Variants in ITGA1 observed in about 807,000 individuals in gnomAD.
ITGA1 encodes the protein integrin alpha-1.
Under a neutral mutation model 145.9 loss-of-function variants are expected in ITGA1, and 85 were observed. The observed-to-expected ratio is 0.58, with a 90% CI of 0.49 to 0.70. The LOEUF is 0.70. Among genes scored for constraint, ITGA1 ranks in the 30% least tolerant of loss-of-function variants. The probability of loss-of-function intolerance (pLI) is 0.00; values close to 1 mark genes in which losing one functional copy is unlikely to be tolerated. For missense variants in ITGA1, 1,351 were observed against 1,418.7 expected, an observed-to-expected ratio of 0.95 and a Z score of 0.77; for synonymous variants, 520 against 495.3, an observed-to-expected ratio of 1.05 and a Z score of -0.66.
intron 2 of ITGA1, among the ~76,000 whole-genome samples, chr5:52,854,941 T>C (rs1749490386): frequency 6.6e-6 from 1 of 152,230 alleles, no homozygotes; most frequent in Admixed American, 6.5e-5. Flanking sequence ...TCAGTCTGCA[T>C]ACAGGTCATT....
chr5:52,800,296 C>G, intron 1 of ITGA1: 1 of 1,378,872 alleles, frequency 7.3e-7, no homozygotes, highest in Non-Finnish European at 1.0e-6. Context: ...AAACCGGGCC[C>G]CGCCCCCTTC....
At chr5:52,876,763 G>A (rs2111796334) in intron 6 of ITGA1, among the ~76,000 whole-genome samples, 1 of 152,282 alleles carries the variant, frequency 6.6e-6, no homozygotes, top group South Asian at 2.1e-4. Context: ...TACTTGGGAA[G>A]ATATAGTGTG....
Position 52,806,764 on chromosome 5 carries a change from TAATA to T in ITGA1, c.61+18354_61+18357del, listed in dbSNP as rs371082079. 6.7e-3 allele frequency among the ~76,000 whole-genome samples: 1,015 copies of T among 152,300 alleles called. 12 individuals are homozygous for T. The highest frequency in any genetic ancestry group is 0.023 in the African/African-American group (968 of 41,562). On this transcript the variant is annotated intron_variant, in intron 1 of 28. Transcript: ENST00000282588. ...TTGTGTTGAGATAAATAACACTGAT[TAATA>T]AATTGGAATATTATGAATGTTTTAA... is the stretch of plus-strand genomic sequence containing the variant.
intron 15 of ITGA1, 81 bp downstream of exon 15, chr5:52,915,675 C>A (rs541880979): frequency 1.3e-6 from 2 of 1,495,494 alleles, no homozygotes; most frequent in Admixed American, 4.0e-5. Context: ...TCATGTCATA[C>A]CAAATATCTA....
chr5:52,846,790 C>G (rs1388974215), intron 1 of ITGA1, among the ~76,000 whole-genome samples: 1 of 152,142 alleles, frequency 6.6e-6, no homozygotes, highest in African/African-American at 2.4e-5. Flanking sequence ...CTTGCAGAGA[C>G]CCTCCCAAAT....
intron 14 of ITGA1, 81 bp from the exon 15 acceptor site, chr5:52,915,379 TAAAC>T: frequency 7.0e-7 from 1 of 1,418,570 alleles, no homozygotes. Context: ...ATTATTTTGT[TAAAC>T]AATTTAAATT....
At chr5:52,825,061 T>C (rs1748939014) in intron 1 of ITGA1, 1 of 152,228 alleles carries the variant, frequency 6.6e-6, no homozygotes, top group African/African-American at 2.4e-5. Context: ...TTTCAGAACT[T>C]TTGTTACTAC....
chr5:52,840,937 A>T (rs777667595), intron 1 of ITGA1, among the ~76,000 whole-genome samples: 1 of 152,208 alleles, frequency 6.6e-6, no homozygotes, highest in African/African-American at 2.4e-5. Flanking sequence ...AGATATACAC[A>T]TATACACACA....
chr5:52,909,547 G>A (rs1418176401), intron 13 of ITGA1, among the ~76,000 whole-genome samples: 1 of 152,064 alleles, frequency 6.6e-6, no homozygotes, highest in Non-Finnish European at 1.5e-5. Context: ...TTCTTCATTA[G>A]AAGAGTGTTT....
intron 1 of ITGA1, among the ~76,000 whole-genome samples, chr5:52,791,041 C>G (rs938253001): frequency 1.3e-5 from 2 of 152,122 alleles, no homozygotes; most frequent in African/African-American, 4.8e-5. Flanking sequence ...AACAAGCCAC[C>G]AGCATCCCAA....
intron 26 of ITGA1, among the ~76,000 whole-genome samples, chr5:52,940,834 A>G (rs1027218460): frequency 2.6e-5 from 4 of 152,186 alleles, no homozygotes; most frequent in African/African-American, 9.7e-5. Flanking sequence ...GGGAGTATAC[A>G]TGCACGAGTT....
intron 1 of ITGA1, among the ~76,000 whole-genome samples, chr5:52,796,702 C>A (rs1454356031): frequency 6.6e-6 from 1 of 151,926 alleles, no homozygotes; most frequent in Admixed American, 6.6e-5. Context: ...TATATGAGTG[C>A]CTACTATGTG....
chr5:52,901,651 C>T (rs1326382772), intron 11 of ITGA1: 1 of 152,164 alleles, frequency 6.6e-6, no homozygotes, highest in Non-Finnish European at 1.5e-5. Context: ...AGTAAATAAA[C>T]TCTTAAGAAT....
intron 6 of ITGA1, among the ~76,000 whole-genome samples, chr5:52,874,411 G>A (rs1749833299): frequency 7.0e-6 from 1 of 141,986 alleles, no homozygotes; most frequent in Non-Finnish European, 1.5e-5. Context: ...TCTCGGTGGG[G>A]ACAAACCATA....
intron 21 of ITGA1, among the ~76,000 whole-genome samples, chr5:52,930,817 A>G (rs973377056): frequency 3.9e-5 from 6 of 152,172 alleles, no homozygotes; most frequent in African/African-American, 1.4e-4. Context: ...TGTGCATTCT[A>G]TCATATTACG....
Position 52,914,597 on chromosome 5 carries a change from C to A in ITGA1, c.1858-867C>A, listed in dbSNP as rs926868305. Reference sequence around the variant, plus strand: ...GTTGCAGTGAGCCGAGATAGCGTCTCAAAAAAAAAAAGGGGGGGAAATACT... The same window carrying A: ...GTTGCAGTGAGCCGAGATAGCGTCTAAAAAAAAAAAAGGGGGGGAAATACT... On this transcript the variant is annotated intron_variant, in intron 14 of 28. Coordinates refer to ENST00000282588, the MANE Select transcript of ITGA1 (RefSeq NM_181501.2). 1.5e-4 allele frequency among the ~76,000 whole-genome samples: 21 copies of A among 141,942 alleles called. 1 individual carries two copies. The highest frequency in any genetic ancestry group is 3.5e-4 in the Admixed American group (5 of 14,224). 93.1% of individuals were successfully genotyped at this position (141,942 alleles called of 152,430 possible). A position where few individuals can be genotyped will look rare whatever the true frequency, so the allele number is the denominator to read the frequency against.
intron 1 of ITGA1, among the ~76,000 whole-genome samples, chr5:52,808,694 T>G (rs1036067135): frequency 4.1e-5 from 6 of 146,926 alleles, no homozygotes; most frequent in Middle Eastern, 3.4e-3. Context: ...TTTTTTTTTT[T>G]TTTGTTTGAT....
chr5:52,883,026 A>T (rs1749983288), intron 7 of ITGA1: 1 of 152,202 alleles, frequency 6.6e-6, no homozygotes, highest in African/African-American at 2.4e-5. Context: ...TGCCTCATGA[A>T]TATTAGAAAA....
At chr5:52,838,053 A>G (rs1749188201) in intron 1 of ITGA1, among the ~76,000 whole-genome samples, 1 of 152,220 alleles carries the variant, frequency 6.6e-6, no homozygotes, top group Admixed American at 6.5e-5. Flanking sequence ...TCAGGTGAAT[A>G]ACAAGTTACA....
Sources: gnomAD v4.1 joint callset for allele counts (sites outside exome capture counted in the v4.1 genomes callset) on GRCh38, gnomAD v4.1.1 for gene constraint, MANE v1.5 for transcripts, NCBI Gene and HGNC (gene_info 2026-07-23, HGNC 2026-07-21) for gene names.